WWOX: variants seen among roughly 807,000 people sequenced by gnomAD.
The protein encoded by WWOX is WW domain containing oxidoreductase.
Under a neutral mutation model 46.2 loss-of-function variants are expected in WWOX, and 69 were observed. The observed-to-expected ratio is 1.49, with a 90% CI of 1.23 to 1.82. The LOEUF (loss-of-function observed/expected upper bound fraction) is 1.82, where lower values mean the gene tolerates loss of function less well. Among genes scored for constraint, WWOX ranks in the 40% most tolerant of loss-of-function variants. The pLI is 0.00. For synonymous variants in WWOX, 359 were observed against 202.6 expected (o/e 1.77, Z -6.56); for missense variants, 919 against 542.6 (o/e 1.69, Z -6.89).
intron 8 of WWOX, among the ~76,000 whole-genome samples, chr16:78,902,618 C>G (rs1351279372): frequency 1.3e-5 from 2 of 152,344 alleles, no homozygotes; most frequent in South Asian, 2.1e-4. Flanking sequence ...CTTCTGCTCT[C>G]TTTGGCTGCA....
intron 8 of WWOX, among the ~76,000 whole-genome samples, chr16:79,068,252 C>G (rs546209671): frequency 2.0e-5 from 3 of 152,164 alleles, no homozygotes; most frequent in Non-Finnish European, 2.9e-5. Flanking sequence ...CCTAAGAATG[C>G]CATGACTGTG....
At chr16:79,027,757 G>A (rs1023021592) in intron 8 of WWOX, among the ~76,000 whole-genome samples, 1 of 151,636 alleles carries the variant, frequency 6.6e-6, no homozygotes, top group East Asian at 1.9e-4. Context: ...TGATTTAGAT[G>A]TCTTTTTTTG....
At chr16:78,214,156 T>C (rs1329859512) in intron 5 of WWOX, among the ~76,000 whole-genome samples, 1 of 152,138 alleles carries the variant, frequency 6.6e-6, no homozygotes, top group Non-Finnish European at 1.5e-5. Context: ...ACTGACCCCC[T>C]GGACCCTCAC....
chr16:79,202,550 T>G (rs1335649080), intron 8 of WWOX: 1 of 152,252 alleles, frequency 6.6e-6, no homozygotes, highest in Admixed American at 6.5e-5. Flanking sequence ...GTGTCTTTCC[T>G]GGGAGAAGGT....
At chr16:78,621,468 C>T (rs1219247911) in intron 8 of WWOX, among the ~76,000 whole-genome samples, 2 of 151,928 alleles carry the variant, frequency 1.3e-5, no homozygotes, top group African/African-American at 4.8e-5. Context: ...CTTCCAGTTG[C>T]ATCTCTCCCT....
At chr16:78,829,001 T>C (rs1357718269) in intron 8 of WWOX, among the ~76,000 whole-genome samples, 1 of 152,172 alleles carries the variant, frequency 6.6e-6, no homozygotes, top group Non-Finnish European at 1.5e-5. Flanking sequence ...ATTTAAACCC[T>C]TGGACTTCTT....
Position 78,387,903 on chromosome 16 carries a change from A to G in WWOX, c.605+955A>G, listed in dbSNP as rs118124851. Among the ~76,000 whole-genome samples, 110 of 152,210 alleles carry G rather than the reference A, an allele frequency of 7.2e-4. 2 individuals carry two copies. The East Asian group carries it at 0.019, about 26-fold the overall frequency. ...CACTGAATGTGGAGAGCTCTCATAAATGACAAGCTGCCTTTGGGTTAGGCT... is the reference window on the plus strand; with the variant it reads ...CACTGAATGTGGAGAGCTCTCATAAGTGACAAGCTGCCTTTGGGTTAGGCT... On this transcript the variant is annotated intron_variant, in intron 6 of 8. Transcript: ENST00000566780.
intron 8 of WWOX, among the ~76,000 whole-genome samples, chr16:79,029,235 C>T (rs1205032738): frequency 2.6e-5 from 4 of 152,150 alleles, no homozygotes; most frequent in Admixed American, 2.0e-4. Context: ...CACGGCTGGG[C>T]CTACTCAGTT....
chr16:78,738,440 G>A (rs2049139070), intron 8 of WWOX, among the ~76,000 whole-genome samples: 1 of 152,108 alleles, frequency 6.6e-6, no homozygotes, highest in South Asian at 2.1e-4. Flanking sequence ...GGATTCAGGT[G>A]GCCAATGAAG....
chr16:78,948,131 A>G (rs574484579), intron 8 of WWOX, among the ~76,000 whole-genome samples: 4 of 152,236 alleles, frequency 2.6e-5, no homozygotes, highest in Non-Finnish European at 4.4e-5. Context: ...GCCTCTGTGA[A>G]CCTTAAGTTG....
intron 8 of WWOX, among the ~76,000 whole-genome samples, chr16:78,863,423 A>G (rs1357446416): frequency 6.6e-6 from 1 of 152,202 alleles, no homozygotes; most frequent in African/African-American, 2.4e-5. Flanking sequence ...CTGAAATAAT[A>G]TGCAGCATTA....
intron 8 of WWOX, among the ~76,000 whole-genome samples, chr16:79,098,770 A>G (rs1413662697): frequency 1.3e-5 from 2 of 152,242 alleles, no homozygotes; most frequent in Non-Finnish European, 2.9e-5. Context: ...AGTGGAATGC[A>G]TAGAAATGGT....
intron 8 of WWOX, among the ~76,000 whole-genome samples, chr16:78,776,415 G>T (rs1206544286): frequency 1.3e-5 from 2 of 152,084 alleles, no homozygotes; most frequent in East Asian, 3.9e-4. Context: ...CATACCTACT[G>T]TTCGTCAGTT....
intron 5 of WWOX, among the ~76,000 whole-genome samples, chr16:78,315,423 C>T (rs759494627): frequency 2.6e-5 from 4 of 152,092 alleles, no homozygotes; most frequent in African/African-American, 4.8e-5. Context: ...CCAAGGCCGG[C>T]GGATCACTTG....
At chr16:79,090,280 CGTGT>C (rs61538157) in intron 8 of WWOX, among the ~76,000 whole-genome samples, 20,067 of 138,246 alleles carry the variant, frequency 0.15, 1,676 homozygotes, top group African/African-American at 0.24. Context: ...CTACTGTGTG[CGTGT>C]GTGTGTGTGT....
chr16:78,896,364 C>G (rs1012114232), intron 8 of WWOX: 1 of 152,090 alleles, frequency 6.6e-6, no homozygotes, highest in Non-Finnish European at 1.5e-5. Context: ...TTATCAAAAA[C>G]GGGCTGGGAC....
At chr16:78,222,457 A>G (rs999873813) in intron 5 of WWOX, among the ~76,000 whole-genome samples, 7 of 152,000 alleles carry the variant, frequency 4.6e-5, no homozygotes, top group Admixed American at 2.0e-4. Context: ...GCTCACTGGG[A>G]GGAGAAAAAA....
rs2044153218 is a variant in WWOX, at chr16:78,872,685, G to C, written c.1057-338923G>C. Reference sequence around the variant, plus strand: ...AGCCAGTGCTCAAAACCATAGACAGGCAGTGTCCCCAACCACTCCCTGCGT... The same window carrying C: ...AGCCAGTGCTCAAAACCATAGACAGCCAGTGTCCCCAACCACTCCCTGCGT... On this transcript the variant is annotated intron_variant, in intron 8 of 8. Transcript: ENST00000566780. 3 of 152,110 alleles carry C rather than the reference G, an allele frequency of 2.0e-5. No homozygotes were observed. The South Asian group carries it at 6.2e-4, about 32-fold the overall frequency. 9.4% of individuals were successfully genotyped at this position (152,110 alleles called of 1,614,324 possible). A position where few individuals can be genotyped will look rare whatever the true frequency, so the allele number is the denominator to read the frequency against.
chr16:79,097,377 C>G (rs1194881095), intron 8 of WWOX, among the ~76,000 whole-genome samples: 1 of 148,988 alleles, frequency 6.7e-6, no homozygotes, highest in Non-Finnish European at 1.5e-5. Flanking sequence ...GCCCACATCA[C>G]TGCAGCCCAT....
Sources: gnomAD v4.1 joint callset for allele counts (sites outside exome capture counted in the v4.1 genomes callset) on GRCh38, gnomAD v4.1.1 for gene constraint, MANE v1.5 for transcripts, NCBI Gene and HGNC (gene_info 2026-07-23, HGNC 2026-07-21) for gene names.